RAB30: variants seen among roughly 807,000 people sequenced by gnomAD.
RAB30 encodes the protein RAB30, member RAS oncogene family, also known as ras-related protein Rab-30.
RAB30 carries 9 observed loss-of-function variants against 25.1 expected under a neutral mutation model. That is an observed-to-expected ratio of 0.36 (90% CI 0.22 to 0.63). RAB30 has a LOEUF of 0.63. RAB30 is among the 20% of genes least tolerant of loss of function. The probability of loss-of-function intolerance (pLI) is 0.69; values close to 1 mark genes in which losing one functional copy is unlikely to be tolerated. For missense variants in RAB30, 140 were observed against 243.5 expected, an observed-to-expected ratio of 0.58 and a Z score of 2.83; for synonymous variants, 77 against 86.4, an observed-to-expected ratio of 0.89 and a Z score of 0.60.
At chr11:83,000,641 C>A (rs1209359933) in intron 1 of RAB30, among the ~76,000 whole-genome samples, 1 of 151,904 alleles carries the variant, frequency 6.6e-6, no homozygotes, top group East Asian at 1.9e-4. Flanking sequence ...TGCTGGAGGT[C>A]AAAGAACCAA....
At chr11:83,061,710 C>CTTTTT (rs569263010) in intron 1 of RAB30, among the ~76,000 whole-genome samples, 29 of 79,850 alleles carry the variant, frequency 3.6e-4, no homozygotes, top group Admixed American at 5.0e-4. Context: ...TCTTTCTTTT[C>CTTTTT]TTTTTTTTTT....
chr11:83,064,353 C>T (rs1241041125), intron 1 of RAB30, among the ~76,000 whole-genome samples: 4 of 152,186 alleles, frequency 2.6e-5, no homozygotes, highest in Non-Finnish European at 5.9e-5. Flanking sequence ...AGCAATTCAC[C>T]TGTCTCAGCC....
chr11:83,024,575 G>T (rs1193615661), intron 1 of RAB30, among the ~76,000 whole-genome samples: 2 of 152,160 alleles, frequency 1.3e-5, no homozygotes, highest in Admixed American at 1.3e-4. Flanking sequence ...GAGACAATTA[G>T]ACAAGTGAAG....
chr11:83,029,981 T>A (rs369961473), intron 1 of RAB30, among the ~76,000 whole-genome samples: 4 of 152,286 alleles, frequency 2.6e-5, no homozygotes, highest in East Asian at 1.9e-4. Flanking sequence ...AAGTGGGAAC[T>A]AAGCTGTGAG....
chr11:82,983,058 CA>C (rs1317322737), intron 4 of RAB30, among the ~76,000 whole-genome samples: 2 of 140,708 alleles, frequency 1.4e-5, no homozygotes, highest in South Asian at 2.3e-4. Flanking sequence ...TACTGTTAAC[CA>C]AAAAAAAAGC....
At chr11:83,014,682 G>GAA (rs1565277194) in intron 1 of RAB30, among the ~76,000 whole-genome samples, 14 of 137,322 alleles carry the variant, frequency 1.0e-4, no homozygotes, top group African/African-American at 4.0e-4. Context: ...AAGAAAGAAA[G>GAA]AAAGAAAGAA....
chr11:83,053,271 T>C (rs1485763250), intron 1 of RAB30, among the ~76,000 whole-genome samples: 1 of 152,192 alleles, frequency 6.6e-6, no homozygotes, highest in African/African-American at 2.4e-5. Flanking sequence ...TTTGTACTTA[T>C]AAAGCCAGGA....
chr11:83,014,691 A>G (rs1435947094), intron 1 of RAB30, among the ~76,000 whole-genome samples: 5 of 148,268 alleles, frequency 3.4e-5, no homozygotes, highest in South Asian at 2.1e-4. Context: ...AGAAAGAAAG[A>G]AAGAGAAAGG....
At chr11:83,055,491 C>G (rs867599051) in intron 1 of RAB30, among the ~76,000 whole-genome samples, 2 of 151,864 alleles carry the variant, frequency 1.3e-5, no homozygotes, top group South Asian at 2.1e-4. Flanking sequence ...CAAATTTTAT[C>G]CATCTTCTGC....
intron 1 of RAB30, among the ~76,000 whole-genome samples, chr11:83,000,543 TA>T (rs1261860514): frequency 6.6e-6 from 1 of 152,228 alleles, no homozygotes; most frequent in Non-Finnish European, 1.5e-5. Context: ...TCTGCTTTCA[TA>T]AGCCCATAAG....
chr11:83,051,059 G>A (rs560753042), intron 1 of RAB30, among the ~76,000 whole-genome samples: 1 of 152,008 alleles, frequency 6.6e-6, no homozygotes, highest in Non-Finnish European at 1.5e-5. Flanking sequence ...TAAATTATGG[G>A]GTCACAAACT....
intron 1 of RAB30, among the ~76,000 whole-genome samples, chr11:83,014,050 A>G (rs1048596109): frequency 2.0e-5 from 3 of 152,254 alleles, no homozygotes; most frequent in Admixed American, 1.3e-4. Flanking sequence ...TACCATGATG[A>G]ACAAGAAGAC....
chr11:83,008,631 T>C (rs1490340586), intron 1 of RAB30, among the ~76,000 whole-genome samples: 1 of 152,134 alleles, frequency 6.6e-6, no homozygotes, highest in African/African-American at 2.4e-5. Flanking sequence ...CATGGCAAAT[T>C]CTTATGCAGA....
chr11:82,995,181 C>T (rs1377686924), intron 2 of RAB30, among the ~76,000 whole-genome samples: 7 of 151,990 alleles, frequency 4.6e-5, no homozygotes, highest in African/African-American at 7.3e-5. Flanking sequence ...GTAAAATGGA[C>T]GTTATTAGTT....
At chr11:83,059,608 T>A (rs1858525014) in intron 1 of RAB30, among the ~76,000 whole-genome samples, 1 of 152,188 alleles carries the variant, frequency 6.6e-6, no homozygotes, top group Admixed American at 6.5e-5. Context: ...CAGGACCAGC[T>A]TGAGTTAATC....
intron 1 of RAB30, among the ~76,000 whole-genome samples, chr11:83,036,751 G>A (rs1029832485): frequency 6.6e-6 from 1 of 152,170 alleles, no homozygotes; most frequent in Non-Finnish European, 1.5e-5. Context: ...AGACCTGAAA[G>A]ATGAGAATAA....
chr11:83,012,671 A>C (rs1271718461), intron 1 of RAB30, among the ~76,000 whole-genome samples: 1 of 152,248 alleles, frequency 6.6e-6, no homozygotes, highest in Non-Finnish European at 1.5e-5. Flanking sequence ...TTAATACAAT[A>C]AAGTACAAAG....
intron 1 of RAB30, among the ~76,000 whole-genome samples, chr11:83,012,951 G>A (rs761182619): frequency 7.9e-5 from 12 of 152,072 alleles, no homozygotes; most frequent in South Asian, 2.1e-4. Flanking sequence ...TCTCTTTATT[G>A]GGTGGTAAAC....
chr11:83,014,634 A>AAAAGAAG (rs1857378373), intron 1 of RAB30, among the ~76,000 whole-genome samples: 1 of 112,616 alleles, frequency 8.9e-6, no homozygotes. Context: ...AGAAGTAAGA[A>AAAAGAAG]AAAGAAAGAA....
Sources: allele counts gnomAD v4.1 joint callset (sites outside exome capture counted in the v4.1 genomes callset), GRCh38; gene constraint gnomAD v4.1.1; transcripts MANE v1.5; gene names NCBI Gene and HGNC (gene_info 2026-07-23, HGNC 2026-07-21).